Variants in DOCK4 observed in about 807,000 individuals in gnomAD.
DOCK4 encodes the protein dedicator of cytokinesis protein 4.
In DOCK4, 97 loss-of-function variants were observed where a neutral mutation model predicts 268.1. That is an observed-to-expected ratio of 0.36 (90% CI 0.31 to 0.43). The LOEUF (loss-of-function observed/expected upper bound fraction) is 0.43. Among genes scored for constraint, DOCK4 ranks in the 20% least tolerant of loss-of-function variants. The probability of loss-of-function intolerance (pLI) is 1.00; values close to 1 mark genes in which losing one functional copy is unlikely to be tolerated. For synonymous variants in DOCK4, 954 were observed against 887.2 expected (o/e 1.08, Z -1.34); for missense variants, 2,145 against 2,455.7 (o/e 0.87, Z 2.67).
rs747832612 is a variant in DOCK4, at chr7:111,901,758, T to A, written c.1236A>T (p.Glu412Asp). Residue 412 changes from glutamate to aspartate, a missense_variant, in exon 14 of 53, where the codon GAA (glutamate) becomes GAT (aspartate). Transcript: ENST00000428084. ...NDLYITIERG[E>D]FEKGGKSVAR... ...CCACGCTCTTCCCTCCTTTCTCAAA[T>A]TCTCCCCTTTCAATAGTGATATATA... is the stretch of plus-strand genomic sequence containing the variant. 1.9e-6 allele frequency: 3 copies of A among 1,605,000 alleles called. No individual in the cohort carries two copies. Among genetic ancestry groups the A allele is most frequent in the Non-Finnish European group, 2.6e-6 (3 of 1,172,424 alleles).
chr7:111,770,033 G>A (rs1029854506), intron 36 of DOCK4, among the ~76,000 whole-genome samples: 5 of 152,006 alleles, frequency 3.3e-5, no homozygotes, highest in African/African-American at 1.2e-4. Context: ...GCCTTTGTTT[G>A]CTGAGAGAGT....
intron 1 of DOCK4, among the ~76,000 whole-genome samples, chr7:112,018,501 C>T (rs1173651063): frequency 6.6e-6 from 1 of 152,012 alleles, no homozygotes; most frequent in Non-Finnish European, 1.5e-5. Context: ...GGAATCATGC[C>T]CTCTCTTCTT....
intron 8 of DOCK4, among the ~76,000 whole-genome samples, chr7:111,962,619 G>C (rs1339606750): frequency 6.6e-6 from 1 of 151,754 alleles, no homozygotes; most frequent in Non-Finnish European, 1.5e-5. Context: ...TCGGAATTCA[G>C]TATGAATCCA....
intron 15 of DOCK4, among the ~76,000 whole-genome samples, chr7:111,895,994 T>C (rs1390596183): frequency 6.6e-6 from 1 of 152,218 alleles, no homozygotes; most frequent in Non-Finnish European, 1.5e-5. Context: ...GCCTGTTTCT[T>C]CTTTTTACCC....
chr7:112,007,419 G>C (rs1261108800), intron 1 of DOCK4, among the ~76,000 whole-genome samples: 2 of 152,136 alleles, frequency 1.3e-5, no homozygotes, highest in Non-Finnish European at 2.9e-5. Flanking sequence ...GTAACTAAAA[G>C]TATCTAAGGA....
At chr7:112,168,178 T>C (rs1403355135) in intron 1 of DOCK4, among the ~76,000 whole-genome samples, 6 of 152,236 alleles carry the variant, frequency 3.9e-5, no homozygotes, top group African/African-American at 1.2e-4. Context: ...TTTACATCAT[T>C]AATTTTGTTG....
At chr7:112,190,678 A>C (rs1819876103) in intron 1 of DOCK4, among the ~76,000 whole-genome samples, 2 of 152,112 alleles carry the variant, frequency 1.3e-5, no homozygotes, top group Non-Finnish European at 2.9e-5. Context: ...GCAAAAACAA[A>C]AAAAAAAAAT....
chr7:111,994,350 A>G (rs1799761736), intron 4 of DOCK4, 119 bp from the exon 5 acceptor site: 1 of 566,536 alleles, frequency 1.8e-6, no homozygotes, highest in South Asian at 2.7e-5. Flanking sequence ...TTCTACAGAC[A>G]GTAACCAGGA....
chr7:111,925,176 T>C (rs1335379362), intron 12 of DOCK4, among the ~76,000 whole-genome samples: 1 of 152,222 alleles, frequency 6.6e-6, no homozygotes, highest in Non-Finnish European at 1.5e-5. Flanking sequence ...AAGCTTTGCT[T>C]TGTGCATTAG....
At chr7:111,976,177 T>TATACACAC (rs1435347839) in intron 8 of DOCK4, among the ~76,000 whole-genome samples, 2 of 89,164 alleles carry the variant, frequency 2.2e-5, no homozygotes, top group African/African-American at 1.4e-4. Flanking sequence ...TATATATATA[T>TATACACAC]ACACACACAC....
rs1271436187 is a variant in DOCK4 at position 111,733,424 on chromosome 7, G to T, written c.5420-1137C>A. 3.9e-5 allele frequency among the ~76,000 whole-genome samples: 6 copies of T among 152,164 alleles called. 1 individual carries two copies. Among genetic ancestry groups the T allele is most frequent in the Admixed American group, 3.9e-4 (6 of 15,280 alleles). ...CTCTCTTGCACTCTTGAATGCTGGGGCATGCTGTCAGCACGTGTCACATTC... is the reference window on the plus strand; with the variant it reads ...CTCTCTTGCACTCTTGAATGCTGGGTCATGCTGTCAGCACGTGTCACATTC... On this transcript the variant is annotated intron_variant, in intron 51 of 52. Transcript: ENST00000428084.
chr7:112,133,526 G>A (rs1307671906), intron 1 of DOCK4, among the ~76,000 whole-genome samples: 1 of 152,178 alleles, frequency 6.6e-6, no homozygotes, highest in Admixed American at 6.5e-5. Flanking sequence ...GAACTAAGGA[G>A]TTTGAGACTA....
intron 3 of DOCK4, among the ~76,000 whole-genome samples, chr7:111,999,008 C>A (rs1047423065): frequency 1.3e-5 from 2 of 152,022 alleles, no homozygotes; most frequent in African/African-American, 4.8e-5. Flanking sequence ...GACAACTCAG[C>A]AACAGTTAAT....
At chr7:111,738,025 G>T (rs1294074183) in intron 49 of DOCK4, among the ~76,000 whole-genome samples, 2 of 152,220 alleles carry the variant, frequency 1.3e-5, no homozygotes, top group Non-Finnish European at 1.5e-5. Context: ...TGTGGCTACA[G>T]ACTTCTGCCA....
Position 111,741,555 on chromosome 7 carries a change from AC to A in DOCK4, c.4903del (p.Val1635Ter), listed in dbSNP as rs1482498948. The A allele has an allele frequency of 6.2e-7, 1 of 1,613,208 alleles. No homozygotes were observed. The highest frequency in any genetic ancestry group is 8.5e-7 in the Non-Finnish European group (1 of 1,179,624). The part of the protein sequence containing the change: ...PASVSPDGTR[V>X]IPRRSPLSYP... Reference sequence around the variant, plus strand: ...TATGACTTACCTGCGTCTAGGAATTACCCTGGTACCATCTGGGCTCACAGAA... The same window carrying A: ...TATGACTTACCTGCGTCTAGGAATTACCTGGTACCATCTGGGCTCACAGAA... On this transcript the variant is annotated frameshift_variant, in exon 46 of 53. Coordinates refer to ENST00000428084, the MANE Select transcript of DOCK4 (RefSeq NM_001363540.2). LOFTEE classifies it high-confidence loss of function.
chr7:111,872,615 C>T, intron 17 of DOCK4, 51 bp from the exon 18 acceptor site: 1 of 1,428,254 alleles, frequency 7.0e-7, no homozygotes, highest in Non-Finnish European at 9.5e-7. Context: ...AACAGGTCCT[C>T]ACATGAAAGC....
intron 1 of DOCK4, among the ~76,000 whole-genome samples, chr7:112,055,242 G>A (rs759118119): frequency 5.3e-5 from 8 of 152,136 alleles, no homozygotes; most frequent in Non-Finnish European, 1.2e-4. Context: ...ATAAATGTGA[G>A]CTATACATAC....
intron 1 of DOCK4, among the ~76,000 whole-genome samples, chr7:112,127,761 C>T (rs192486357): frequency 2.0e-5 from 3 of 152,228 alleles, no homozygotes; most frequent in East Asian, 1.9e-4. Context: ...CTGGGTGCGG[C>T]GGCTAGCACC....
chr7:112,106,554 C>T (rs1337427338), intron 1 of DOCK4, among the ~76,000 whole-genome samples: 1 of 152,200 alleles, frequency 6.6e-6, no homozygotes, highest in East Asian at 1.9e-4. Flanking sequence ...CTTTAAGCCT[C>T]ATATGTTTTC....
Sources: allele counts gnomAD v4.1 joint callset (sites outside exome capture counted in the v4.1 genomes callset), GRCh38; gene constraint gnomAD v4.1.1; transcripts MANE v1.5; gene names NCBI Gene and HGNC (gene_info 2026-07-23, HGNC 2026-07-21).